The following ZSWIM9 variants were observed in gnomAD, a reference collection of about 807,000 sequenced individuals.
ZSWIM9 encodes zinc finger SWIM-type containing 9, also known as uncharacterized protein ZSWIM9.
A neutral mutation model predicts 25.0 loss-of-function variants in ZSWIM9; 11 were observed. The observed-to-expected ratio is 0.44, with a 90% CI of 0.28 to 0.73. The LOEUF is 0.73. ZSWIM9 is among the 30% of genes least tolerant of loss of function. The pLI is 0.16. For missense variants in ZSWIM9, 1,070 were observed against 1,296.5 expected (o/e 0.83, Z 2.68); for synonymous variants, 562 against 582.1 (o/e 0.97, Z 0.50).
In ZSWIM9 at chr19:48,195,330, C is replaced by G; in HGVS notation, c.1266C>G (p.Gly422=). The G allele has an allele frequency of 6.5e-7, 1 of 1,529,560 alleles. No homozygotes were observed. The highest frequency in any genetic ancestry group is 8.7e-7 in the Non-Finnish European group (1 of 1,144,508). The allele number at this position is 1,529,560 out of a possible 1,614,324, so 94.7% of individuals were successfully genotyped here. The change falls in exon 4 of 4, where the codon GGC becomes GGG. Residue 422 remains glycine (G), a synonymous_variant. Transcript: ENST00000614654. This position sits in a 1 kb window ranked among gnomAD's most constrained non-coding sequence, Gnocchi z 5.8. ...TGCGTCGTCTCAGCCCCTCGCGTGGCGTGGCGCAGTGCCTTCGCGACCTGG... is the reference window on the plus strand; with the variant it reads ...TGCGTCGTCTCAGCCCCTCGCGTGGGGTGGCGCAGTGCCTTCGCGACCTGG... ...RLLRRLSPSR[G]VAQCLRDLVA...
chr19:48,188,039 A>G (rs896645938), intron 3 of ZSWIM9, among the ~76,000 whole-genome samples: 3 of 151,292 alleles, frequency 2.0e-5, no homozygotes, highest in African/African-American at 7.4e-5. Context: ...GTCAAGCAAC[A>G]ATCAGTCTTT....
intron 1 of ZSWIM9, 75 bp from the exon 2 acceptor site, chr19:48,171,719 C>T: frequency 5.0e-6 from 7 of 1,394,754 alleles, no homozygotes; most frequent in Non-Finnish European, 5.7e-6. Flanking sequence ...ACGGGGCAGG[C>T]CAAGAATGGA....
In ZSWIM9 at chr19:48,182,995, A is replaced by G. The variant is rs2036969322; in HGVS notation, c.588+228A>G. 5.5e-6 allele frequency: 3 copies of G among 540,818 alleles called. No individual in the cohort carries two copies. The highest frequency in any genetic ancestry group is 5.0e-5 in the South Asian group (2 of 40,280). The allele number at this position is 540,818 out of a possible 1,614,324, so 33.5% of individuals were successfully genotyped here. A position where few individuals can be genotyped will look rare whatever the true frequency, so the allele number is the denominator to read the frequency against. The stretch of plus-strand genomic sequence containing the variant: ...CTTACCTTCTAGGGTAGTGCTGCCC[A>G]GTAGAACTTTCTTCCAGGATGGAAA... On this transcript the variant is annotated intron_variant, in intron 3 of 3. Transcript: ENST00000614654. The surrounding 1 kb of genome is among the most constrained non-coding windows in gnomAD (Gnocchi z 4.6).
Position 48,195,202 on chromosome 19 carries a change from A to C in ZSWIM9, c.1138A>C (p.Asn380His), listed in dbSNP as rs1334338374. Residue 380 changes from asparagine to histidine, a missense_variant, in exon 4 of 4, where the codon AAC becomes CAC. Around this residue, in one of 4 missense-constraint regions of ZSWIM9, gnomAD observed 184 missense variants for 243.1 expected, o/e 0.76. Coordinates refer to ENST00000614654, the MANE Select transcript of ZSWIM9 (RefSeq NM_199341.4). This position sits in a 1 kb window ranked among gnomAD's most constrained non-coding sequence, Gnocchi z 5.8. ...CGCCTTCGTGGACTACTTCGAGCGC[A>C]ACTGGGAGCCCCGCCGCGACATGTG... Reference protein sequence around the residue: ...PAAFVDYFERNWEPRRDMWVR... With the variant: ...PAAFVDYFERHWEPRRDMWVR... The C allele has an allele frequency of 6.6e-7, 1 of 1,526,338 alleles. No individual in the cohort carries two copies. The highest frequency in any genetic ancestry group is 1.4e-5 in the African/African-American group (1 of 72,312). The allele number at this position is 1,526,338 out of a possible 1,614,324, so 94.5% of individuals were successfully genotyped here.
At chr19:48,178,182 G>A (rs1357134645) in intron 2 of ZSWIM9, among the ~76,000 whole-genome samples, 3 of 152,226 alleles carry the variant, frequency 2.0e-5, no homozygotes, top group Non-Finnish European at 4.4e-5. Flanking sequence ...ATAGGCGTGA[G>A]CCACCGTGCC....
At chr19:48,187,477 T>C (rs1448234918) in intron 3 of ZSWIM9, among the ~76,000 whole-genome samples, 1 of 65,710 alleles carries the variant, frequency 1.5e-5, no homozygotes, top group African/African-American at 6.8e-5. Flanking sequence ...ATATTATATA[T>C]ATTATATATT....
intron 3 of ZSWIM9, chr19:48,183,033 C>T: frequency 2.1e-6 from 1 of 472,360 alleles, no homozygotes; most frequent in South Asian, 2.9e-5. Flanking sequence ...TTCTGTGATT[C>T]TGCACCCCCA....
intron 3 of ZSWIM9, chr19:48,187,781 T>C (rs1005199905): frequency 6.9e-6 from 1 of 144,234 alleles, no homozygotes; most frequent in Non-Finnish European, 1.5e-5. Flanking sequence ...CTACAAAAAA[T>C]TAAAAAAAAA....
At position 48,196,496 on chromosome 19, in the gene ZSWIM9, G is replaced by A. The variant is rs2037167543; in HGVS notation, c.2432G>A (p.Arg811Gln). ...DGPREPKRLCRPPGEEEVDWE... is the reference protein window; with the variant it reads ...DGPREPKRLCQPPGEEEVDWE... ...CCCAGGGAACCAAAGAGGCTTTGCC[G>A]ACCCCCGGGAGAGGAGGAGGTGGAC... Residue 811 changes from arginine (R) to glutamine (Q), a missense_variant, in exon 4 of 4, where the codon CGA becomes CAA. Arg to Gln is a conservative substitution (Grantham distance 43, BLOSUM62 1). Around this residue, in one of 4 missense-constraint regions of ZSWIM9, gnomAD observed 583 missense variants for 624.7 expected, o/e 0.93. Coordinates refer to ENST00000614654, the MANE Select transcript of ZSWIM9 (RefSeq NM_199341.4). 4.1e-6 allele frequency: 5 copies of A among 1,232,404 alleles called. No individual in the cohort carries two copies. Among genetic ancestry groups the A allele is most frequent in the South Asian group, 8.2e-5 (2 of 24,320 alleles). 76.3% of individuals were successfully genotyped at this position (1,232,404 alleles called of 1,614,324 possible). A position where few individuals can be genotyped will look rare whatever the true frequency, so the allele number is the denominator to read the frequency against.
chr19:48,190,671 C>G (rs57930203), intron 3 of ZSWIM9: 70,037 of 154,308 alleles, frequency 0.45, 16,160 homozygotes, highest in African/African-American at 0.49. Context: ...TCTTGGCAAG[C>G]GGCAAAAGAT....
intron 3 of ZSWIM9, among the ~76,000 whole-genome samples, chr19:48,186,046 CCACA>C (rs2037007197): frequency 6.6e-6 from 1 of 152,144 alleles, no homozygotes; most frequent in African/African-American, 2.4e-5. Flanking sequence ...AGGCCACTGG[CCACA>C]CATGGCTACA....
rs1446467362 is a variant in ZSWIM9 at position 48,182,341 on chromosome 19, ACTCTT to A, written c.276-109_276-105del. 1.2e-5 allele frequency: 11 copies of A among 890,732 alleles called. No individual in the cohort carries two copies. In the Admixed American group the frequency reaches 3.2e-4, roughly 26 times the overall value. 55.2% of individuals were successfully genotyped at this position (890,732 alleles called of 1,614,324 possible). On this transcript the variant is annotated intron_variant, in intron 2 of 3. Transcript: ENST00000614654. The surrounding 1 kb of genome is among the most constrained non-coding windows in gnomAD (Gnocchi z 4.6). The stretch of plus-strand genomic sequence containing the variant: ...AGCTGGCATATTCTTAGGGCCCTCT[ACTCTT>A]CTCTATGCCTGAAACAATTCTTAGT...
chr19:48,192,550 C>T (rs2037111275), intron 3 of ZSWIM9, among the ~76,000 whole-genome samples: 1 of 141,438 alleles, frequency 7.1e-6, no homozygotes, highest in East Asian at 2.1e-4. Context: ...TCAAATGTCA[C>T]CCTGCCCCTT....
chr19:48,171,265 G>C (rs553156588), intron 1 of ZSWIM9: 44 of 985,396 alleles, frequency 4.5e-5, no homozygotes, highest in East Asian at 3.4e-4. Context: ...GCATGTGACC[G>C]GGTGAGGGGT....
intron 3 of ZSWIM9, among the ~76,000 whole-genome samples, chr19:48,185,977 C>A (rs1011461616): frequency 6.6e-6 from 1 of 152,146 alleles, no homozygotes; most frequent in African/African-American, 2.4e-5. Context: ...CAGAGTGACA[C>A]TCTTGTCTAA....
chr19:48,190,608 G>A (rs577525219), intron 3 of ZSWIM9: 2 of 154,958 alleles, frequency 1.3e-5, no homozygotes, highest in African/African-American at 2.4e-5. Context: ...TACCTGCAAG[G>A]GGGCAGGGAG....
In ZSWIM9 at chr19:48,182,221, G is replaced by A. The variant is rs1209354962; in HGVS notation, c.276-234G>A. The stretch of plus-strand genomic sequence containing the variant: ...TATTAACTCTTTTCATGCTCATGAC[G>A]ATCCTATGAGGAAGGTATGATGAGT... On this transcript the variant is annotated intron_variant, in intron 2 of 3. Coordinates refer to ENST00000614654, the MANE Select transcript of ZSWIM9 (RefSeq NM_199341.4). The surrounding 1 kb of genome is among the most constrained non-coding windows in gnomAD (Gnocchi z 4.6). 5.3e-6 allele frequency: 3 copies of A among 563,088 alleles called. No homozygotes were observed. Among genetic ancestry groups the A allele is most frequent in the Middle Eastern group, 4.6e-4 (1 of 2,182 alleles). 34.9% of individuals were successfully genotyped at this position (563,088 alleles called of 1,614,324 possible).
chr19:48,195,840 G>A lies in ZSWIM9; in HGVS notation c.1776G>A (p.Gly592=), dbSNP rs2037156832. Residue 592 remains glycine (G), a synonymous_variant, in exon 4 of 4, where the codon GGG becomes GGA. Transcript: ENST00000614654. This position sits in a 1 kb window ranked among gnomAD's most constrained non-coding sequence, Gnocchi z 5.8. ...LEDQALRGLE[G]YTWRVAQLED... Reference sequence around the variant, plus strand: ...ACCAGGCGCTAAGAGGATTGGAAGGGTATACCTGGAGGGTGGCCCAGCTGG... The same window carrying A: ...ACCAGGCGCTAAGAGGATTGGAAGGATATACCTGGAGGGTGGCCCAGCTGG... The A allele has an allele frequency of 4.1e-6, 6 of 1,452,656 alleles. No homozygotes were observed. Among genetic ancestry groups the A allele is most frequent in the Non-Finnish European group, 5.4e-6 (6 of 1,108,624 alleles). 90.0% of individuals were successfully genotyped at this position (1,452,656 alleles called of 1,614,324 possible).
chr19:48,187,125 GT>G (rs202175769), intron 3 of ZSWIM9, among the ~76,000 whole-genome samples: 1,611 of 150,856 alleles, frequency 0.011, 31 homozygotes, highest in African/African-American at 0.037. Flanking sequence ...GTTTTTAGGG[GT>G]GGGGTGGGAT....
Sources: allele counts gnomAD v4.1 joint callset (sites outside exome capture counted in the v4.1 genomes callset), GRCh38; gene constraint gnomAD v4.1.1; regional missense constraint gnomAD v4.1.1; non-coding constraint Gnocchi (gnomAD v3.1); transcripts MANE v1.5; gene names NCBI Gene and HGNC (gene_info 2026-07-23, HGNC 2026-07-21).